The following LOC128462377 variants were observed in gnomAD, a reference collection of about 807,000 sequenced individuals.
At chr16:89,346,250 G>GAAAAA in the LOC128462377 span, among the ~76,000 whole-genome samples, 1 of 96,836 alleles carries the variant, frequency 1.0e-5, no homozygotes. Context: ...CCCGTCTCAG[G>GAAAAA]AAAAAAAAAA....
At chr16:89,355,302 G>A in the LOC128462377 span, among the ~76,000 whole-genome samples, 1 of 152,094 alleles carries the variant, frequency 6.6e-6, no homozygotes, top group East Asian at 1.9e-4. Flanking sequence ...CGGAAGGCGG[G>A]CGGACGGCTC....
the LOC128462377 span, among the ~76,000 whole-genome samples, chr16:89,377,913 AATG>A: frequency 3.8e-3 from 582 of 152,172 alleles, 5 homozygotes; most frequent in Non-Finnish European, 6.0e-3. Flanking sequence ...TACTCAATGA[AATG>A]ATGAGGATGA....
the LOC128462377 span, among the ~76,000 whole-genome samples, chr16:89,410,056 G>C: frequency 1.3e-5 from 2 of 152,098 alleles, no homozygotes; most frequent in African/African-American, 4.8e-5. Flanking sequence ...AGCCAGGATG[G>C]TCTCGATCTC....
the LOC128462377 span, among the ~76,000 whole-genome samples, chr16:89,382,806 G>A: frequency 6.6e-6 from 1 of 152,104 alleles, no homozygotes. Context: ...CCACCACCTT[G>A]ACATCATATC....
the LOC128462377 span, among the ~76,000 whole-genome samples, chr16:89,379,506 G>C: frequency 1.3e-5 from 2 of 152,152 alleles, no homozygotes; most frequent in Admixed American, 1.3e-4. Flanking sequence ...TTTTTTTAAA[G>C]AGACAAAGTC....
the LOC128462377 span, among the ~76,000 whole-genome samples, chr16:89,325,914 A>T: frequency 6.6e-6 from 1 of 152,178 alleles, no homozygotes; most frequent in Non-Finnish European, 1.5e-5. Flanking sequence ...GGGCATGAGC[A>T]TGACGACGGA....
chr16:89,356,295 G>A, the LOC128462377 span, among the ~76,000 whole-genome samples: 9 of 151,708 alleles, frequency 5.9e-5, no homozygotes, highest in Admixed American at 4.6e-4. Flanking sequence ...GAGTAAAGTG[G>A]AGAATTCCAG....
chr16:89,403,916 T>C, the LOC128462377 span, among the ~76,000 whole-genome samples: 1 of 152,170 alleles, frequency 6.6e-6, no homozygotes, highest in Non-Finnish European at 1.5e-5. Flanking sequence ...AAAGCAAGAC[T>C]TGTCTCTTAA....
chr16:89,338,130 T>A, the LOC128462377 span, among the ~76,000 whole-genome samples: 1 of 152,104 alleles, frequency 6.6e-6, no homozygotes, highest in Non-Finnish European at 1.5e-5. Flanking sequence ...CCCGTCAGGC[T>A]CCCAGGACAC....
the LOC128462377 span, among the ~76,000 whole-genome samples, chr16:89,403,465 C>T: frequency 7.9e-5 from 12 of 152,088 alleles, no homozygotes; most frequent in Admixed American, 1.3e-4. Context: ...AGCGAGGCCC[C>T]GCGCTCTGGG....
the LOC128462377 span, among the ~76,000 whole-genome samples, chr16:89,389,937 G>A: frequency 1.1e-4 from 10 of 94,772 alleles, no homozygotes; most frequent in Non-Finnish European, 1.7e-4. Flanking sequence ...CGAGTGTGGC[G>A]GGGAGCACCG....
At chr16:89,319,853 T>G in the LOC128462377 span, 13 of 152,482 alleles carry the variant, frequency 8.5e-5, no homozygotes, top group African/African-American at 3.1e-4. Context: ...CAGTTGCTTT[T>G]GTTCTGTTCC....
the LOC128462377 span, among the ~76,000 whole-genome samples, chr16:89,359,335 A>G: frequency 6.6e-6 from 1 of 152,148 alleles, no homozygotes; most frequent in Non-Finnish European, 1.5e-5. Flanking sequence ...CATACAACTC[A>G]ATCGCACGTA....
At chr16:89,358,202 A>T in the LOC128462377 span, among the ~76,000 whole-genome samples, 1 of 152,238 alleles carries the variant, frequency 6.6e-6, no homozygotes, top group African/African-American at 2.4e-5. Flanking sequence ...GACACAGGCC[A>T]CAGCCCCCAC....
chr16:89,415,318 G>A, the LOC128462377 span, among the ~76,000 whole-genome samples: 3 of 137,068 alleles, frequency 2.2e-5, no homozygotes, highest in Non-Finnish European at 3.1e-5. Context: ...AGGCTGGAGC[G>A]CAGTGGTGCG....
the LOC128462377 span, among the ~76,000 whole-genome samples, chr16:89,414,435 G>A: frequency 2.6e-5 from 4 of 152,138 alleles, no homozygotes; most frequent in African/African-American, 9.7e-5. Context: ...CAGCCGCACC[G>A]CCTGAGAGGA....
chr16:89,387,621 C>A, the LOC128462377 span, among the ~76,000 whole-genome samples: 1 of 146,122 alleles, frequency 6.8e-6, no homozygotes, highest in African/African-American at 2.6e-5. Context: ...TGCAGTGAGC[C>A]GAGACTGCAC....
chr16:89,379,782 A>G, the LOC128462377 span, among the ~76,000 whole-genome samples: 1 of 152,272 alleles, frequency 6.6e-6, no homozygotes, highest in Admixed American at 6.5e-5. Flanking sequence ...CAACGGGCAA[A>G]GAAGATGTCA....
chr16:89,351,157 C>G, the LOC128462377 span, among the ~76,000 whole-genome samples: 1 of 152,196 alleles, frequency 6.6e-6, no homozygotes, highest in African/African-American at 2.4e-5. Flanking sequence ...CACAAGAGCT[C>G]GTCAAGAGCA....
Sources: gnomAD v4.1 joint callset for allele counts (sites outside exome capture counted in the v4.1 genomes callset) on GRCh38, gnomAD v4.1.1 for gene constraint, MANE v1.5 for transcripts.